RPS6KB2: variants seen among roughly 807,000 people sequenced by gnomAD.
RPS6KB2 encodes ribosomal protein S6 kinase B2.
A neutral mutation model predicts 58.2 loss-of-function variants in RPS6KB2; 51 were observed. The ratio of observed to expected loss-of-function variants is 0.88; its 90% confidence interval spans 0.70 to 1.11. The LOEUF is 1.11. Among genes scored for constraint, RPS6KB2 ranks in the 50% least tolerant of loss-of-function variants. The pLI is 0.00. For missense variants in RPS6KB2, 671 were observed against 655.8 expected (o/e 1.02, Z -0.25); for synonymous variants, 293 against 258.6 (o/e 1.13, Z -1.28).
At chr11:67,434,950 G>A (rs1386609132) in intron 14 of RPS6KB2, 39 bp from the exon 15 acceptor site, 36 of 1,589,222 alleles carry the variant, frequency 2.3e-5, no homozygotes, top group Non-Finnish European at 3.1e-5. Flanking sequence ...CTCTGGCAGG[G>A]CCTAGGAGGC....
Position 67,434,479 on chromosome 11 carries a change from T to C in RPS6KB2, c.1150T>C (p.Phe384Leu), listed in dbSNP as rs1864185950. Residue 384 changes from phenylalanine (F) to leucine (L), a missense_variant, in exon 13 of 15, where the codon TTC becomes CTC. By Grantham distance (22) the Phe-to-Leu change is conservative. Coordinates refer to ENST00000312629, the MANE Select transcript of RPS6KB2 (RefSeq NM_003952.3). ...TALSESANQA[F>L]LGFTYVAPSV... is the part of the protein sequence containing the mutation. ...CCTCAGCGAGAGTGCCAACCAGGCC[T>C]TCCTGGTGAGTGCGGGGGCCTGAGG... The C allele has an allele frequency of 6.2e-7, 1 of 1,610,692 alleles. No individual in the cohort carries two copies. Among genetic ancestry groups the C allele is most frequent in the South Asian group, 1.1e-5 (1 of 91,046 alleles).
At chr11:67,434,142 AC>A (rs1209847730) in intron 11 of RPS6KB2, 55 bp from the exon 12 acceptor site, 2 of 1,610,302 alleles carry the variant, frequency 1.2e-6, no homozygotes, top group Non-Finnish European at 1.7e-6. Flanking sequence ...AGAGGGAGTG[AC>A]CGGGGGGCAA....
chr11:67,431,350 C>CA lies in RPS6KB2; in HGVS notation c.310-16dup, dbSNP rs777319890. On this transcript the variant is annotated splice_polypyrimidine_tract_variant and intron_variant, in intron 4 of 14. Transcript: ENST00000312629. The stretch of plus-strand genomic sequence containing the variant: ...CAGCCTGGATGCCTCAGTTTCTAAC[C>CA]AATTCCTGTATCTCCAGGCCAAAAT... 9.9e-6 allele frequency: 16 copies of CA among 1,611,960 alleles called. No homozygotes were observed. Among genetic ancestry groups the CA allele is most frequent in the Non-Finnish European group, 1.4e-5 (16 of 1,178,422 alleles).
At chr11:67,431,757 C>T (rs1266899125) in intron 5 of RPS6KB2, 11 of 485,786 alleles carry the variant, frequency 2.3e-5, no homozygotes, top group South Asian at 4.7e-5. Context: ...GGGCATGGTG[C>T]GAATTTGGAT....
chr11:67,431,493 C>T lies in RPS6KB2; in HGVS notation c.435C>T (p.Tyr145=), dbSNP rs768134675. 6.2e-7 allele frequency: 1 copy of T among 1,614,106 alleles called. No individual in the cohort carries two copies. Among genetic ancestry groups the T allele is most frequent in the Non-Finnish European group, 8.5e-7 (1 of 1,180,006 alleles). Residue 145 remains tyrosine, a synonymous_variant, in exon 5 of 15, where the codon TAC becomes TAT. Transcript: ENST00000312629. ...AYAFQTGGKL[Y]LILECLSGGE... ...CCTTCCAGACTGGTGGCAAACTCTA[C>T]CTCATCCTTGAGTGCCTCAGTGGTA...
intron 9 of RPS6KB2, 26 bp from the exon 10 acceptor site, chr11:67,433,314 C>A (rs377206804): frequency 6.2e-7 from 1 of 1,605,852 alleles, no homozygotes; most frequent in Non-Finnish European, 8.5e-7. Context: ...GCCCACAAGG[C>A]TCCTCTCACC....
At position 67,433,019 on chromosome 11, in the gene RPS6KB2, C is replaced by T; in HGVS notation, c.684C>T (p.Thr228=). 10 of 1,613,332 alleles carry T rather than the reference C, an allele frequency of 6.2e-6. No individual in the cohort carries two copies. Among genetic ancestry groups the T allele is most frequent in the Non-Finnish European group, 8.5e-6 (10 of 1,179,940 alleles). Residue 228 remains threonine (T), a synonymous_variant, in exon 8 of 15, where the codon ACC becomes ACT. Coordinates refer to ENST00000312629, the MANE Select transcript of RPS6KB2 (RefSeq NM_003952.3). The part of the protein sequence containing the change: ...ESIHEGAVTH[T]FCGTIEYMAP... ...TCCATGAGGGCGCCGTCACTCACAC[C>T]TTCTGCGGCACCATTGAGTACATGT...
In RPS6KB2 at chr11:67,433,439, G is replaced by A. The variant is rs1864116938; in HGVS notation, c.898G>A (p.Val300Ile). 1 of 1,610,312 alleles carries A rather than the reference G, an allele frequency of 6.2e-7. No homozygotes were observed. Among genetic ancestry groups the A allele is most frequent in the Non-Finnish European group, 8.5e-7 (1 of 1,176,690 alleles). ...PYLTPDARDLVKKFLKRNPSQ... is the reference protein window; with the variant it reads ...PYLTPDARDLIKKFLKRNPSQ... ...CCTCACCCCAGATGCCCGGGACCTTGTCAAAAAGGTGCAGCTCCCTTCTCT... is the reference window on the plus strand; with the variant it reads ...CCTCACCCCAGATGCCCGGGACCTTATCAAAAAGGTGCAGCTCCCTTCTCT... The change falls in exon 10 of 15, where the codon GTC (valine) becomes ATC (isoleucine). Residue 300 changes from valine to isoleucine, a missense_variant. Val to Ile is a conservative substitution (Grantham distance 29). Transcript: ENST00000312629.
chr11:67,432,241 G>A (rs754261133), intron 5 of RPS6KB2: 2 of 522,338 alleles, frequency 3.8e-6, no homozygotes, highest in Non-Finnish European at 7.4e-6. Context: ...TGTTCTGTTG[G>A]GATTCACTCT....
At position 67,435,179 on chromosome 11, in the gene RPS6KB2, T is replaced by C. The variant is rs750546794; in HGVS notation, c.*10T>C. On this transcript the variant is annotated 3_prime_UTR_variant, in exon 15 of 15. Transcript: ENST00000312629. ...GCGTCCAGGGCGCTAGGAAGCCGGG[T>C]GGGGGTGAGGGTAGCCCTTGAGCCC... 6.4e-7 allele frequency: 1 copy of C among 1,553,692 alleles called. No individual in the cohort carries two copies. Among genetic ancestry groups the C allele is most frequent in the Non-Finnish European group, 8.7e-7 (1 of 1,154,540 alleles).
chr11:67,433,514 G>C, intron 10 of RPS6KB2, 67 bp downstream of exon 10: 1 of 1,294,602 alleles, frequency 7.7e-7, no homozygotes, highest in South Asian at 1.2e-5. Flanking sequence ...GAGTCTCTCT[G>C]GGCTGTGGGG....
intron 5 of RPS6KB2, 93 bp downstream of exon 5, chr11:67,431,608 G>A (rs1469252638): frequency 3.7e-6 from 5 of 1,344,436 alleles, no homozygotes; most frequent in Middle Eastern, 2.6e-4. Flanking sequence ...TGAGAGATGA[G>A]TCTGTGGGGG....
chr11:67,433,190 C>T lies in RPS6KB2; in HGVS notation c.772C>T (p.Leu258=), dbSNP rs55701522. 2,073 of 1,605,934 alleles carry T rather than the reference C, an allele frequency of 1.3e-3. 13 individuals are homozygous for T. The highest frequency in any genetic ancestry group is 0.011 in the Middle Eastern group (68 of 6,056). ...TGTGGACTGGTGGAGCCTGGGGGCC[C>T]TGATGTACGACATGCTCACTGGATC... The part of the protein sequence containing the change: ...RAVDWWSLGA[L]MYDMLTGSPP... Residue 258 remains leucine, a synonymous_variant, in exon 9 of 15, where the codon CTG becomes TTG. Coordinates refer to ENST00000312629, the MANE Select transcript of RPS6KB2 (RefSeq NM_003952.3).
At position 67,434,692 on chromosome 11, in the gene RPS6KB2, CAGGTACTG is replaced by C. The variant is rs1385846691; in HGVS notation, c.1268+2_1268+9del. 2.5e-6 allele frequency: 4 copies of C among 1,602,134 alleles called. No homozygotes were observed. Among genetic ancestry groups the C allele is most frequent in the Non-Finnish European group, 3.4e-6 (4 of 1,174,744 alleles). On this transcript the variant is annotated splice_donor_variant and splice_donor_5th_base_variant and coding_sequence_variant and intron_variant, in exon 14 of 15. Transcript: ENST00000312629. LOFTEE classifies it high-confidence loss of function. ...TCAACAGTAGCCCCCGGGCCCCCGT[CAGGTACTG>C]AGGGACGTGGGGGTGTGTGGCTGGG...
chr11:67,432,384 T>A, intron 5 of RPS6KB2: 2 of 694,966 alleles, frequency 2.9e-6, no homozygotes, highest in Admixed American at 2.0e-5. Context: ...AGTGGCTGGG[T>A]CTCTTCATCC....
chr11:67,432,091 G>A (rs759128879), intron 5 of RPS6KB2: 4 of 348,942 alleles, frequency 1.1e-5, no homozygotes, highest in Non-Finnish European at 2.2e-5. Flanking sequence ...GCTGTCCCCT[G>A]CAGGCTGTGA....
chr11:67,434,834 C>T, intron 14 of RPS6KB2, 140 bp downstream of exon 14: 1 of 991,594 alleles, frequency 1.0e-6, no homozygotes, highest in Non-Finnish European at 1.5e-6. Flanking sequence ...ACCTCAGTTC[C>T]TACACCCCTT....
chr11:67,433,689 G>T, intron 10 of RPS6KB2, among the ~76,000 whole-genome samples: 1 of 152,214 alleles, frequency 6.6e-6, no homozygotes, highest in Non-Finnish European at 1.5e-5. Flanking sequence ...GTGATGAGCT[G>T]GCCACACTTC....
At position 67,433,233 on chromosome 11, in the gene RPS6KB2, GGGA is replaced by G; in HGVS notation, c.798+26_798+28del. 6.2e-7 allele frequency: 1 copy of G among 1,607,024 alleles called. No homozygotes were observed. Reference sequence around the variant, plus strand: ...ACTGGATCGGCAAGTCCAGCCCCCGGGGAGGAGGAGGGGCAGGGGCAGAGGTGG... The same window carrying G: ...ACTGGATCGGCAAGTCCAGCCCCCGGGGAGGAGGGGCAGGGGCAGAGGTGG... On this transcript the variant is annotated intron_variant, in intron 9 of 14. Transcript: ENST00000312629.
Sources: gnomAD v4.1 joint callset for allele counts (sites outside exome capture counted in the v4.1 genomes callset) on GRCh38, gnomAD v4.1.1 for gene constraint, MANE v1.5 for transcripts, NCBI Gene and HGNC (gene_info 2026-07-23, HGNC 2026-07-21) for gene names.